SNTG1: variants seen among roughly 807,000 people sequenced by gnomAD.
SNTG1 encodes gamma-1-syntrophin.
A neutral mutation model predicts 74.7 loss-of-function variants in SNTG1; 39 were observed. The ratio of observed to expected loss-of-function variants is 0.52; its 90% CI spans 0.40 to 0.68. The LOEUF (loss-of-function observed/expected upper bound fraction) is 0.68. Ranked by LOEUF, SNTG1 falls within the 30% of genes least tolerant of loss-of-function variation. The pLI is 0.00. For synonymous variants in SNTG1, 254 were observed against 217.1 expected, an observed-to-expected ratio of 1.17 and a Z score of -1.49; for missense variants, 685 against 609.5, an observed-to-expected ratio of 1.12 and a Z score of -1.30.
chr8:50,542,751 A>G (rs2094357432), intron 11 of SNTG1, among the ~76,000 whole-genome samples: 1 of 152,154 alleles, frequency 6.6e-6, no homozygotes, highest in Admixed American at 6.5e-5. Flanking sequence ...CCTCAACAGC[A>G]TTTGTTATTG....
intron 5 of SNTG1, 110 bp downstream of exon 5, chr8:50,438,709 C>A: frequency 2.4e-6 from 2 of 838,000 alleles, no homozygotes; most frequent in South Asian, 3.2e-5. Context: ...CTATAGCAAA[C>A]TCCTTAATAT....
intron 13 of SNTG1, among the ~76,000 whole-genome samples, chr8:50,655,433 C>A (rs1319375976): frequency 6.6e-6 from 1 of 152,120 alleles, no homozygotes; most frequent in East Asian, 1.9e-4. Flanking sequence ...CCAGTGAAGT[C>A]TCTATGTAAT....
chr8:50,344,463 T>A (rs927886834), intron 2 of SNTG1, among the ~76,000 whole-genome samples: 2 of 152,000 alleles, frequency 1.3e-5, no homozygotes, highest in Non-Finnish European at 2.9e-5. Flanking sequence ...ACACACTCCA[T>A]CCAGTTTCAA....
chr8:50,432,562 AT>A (rs1304216932), intron 4 of SNTG1, among the ~76,000 whole-genome samples: 1 of 152,042 alleles, frequency 6.6e-6, no homozygotes, highest in Non-Finnish European at 1.5e-5. Context: ...GCTTGCTGGG[AT>A]TTTTATTGGA....
At chr8:50,270,122 C>T (rs970193592) in intron 2 of SNTG1, among the ~76,000 whole-genome samples, 4 of 152,024 alleles carry the variant, frequency 2.6e-5, no homozygotes, top group South Asian at 4.1e-4. Flanking sequence ...CATGAGCTAG[C>T]AGAATACAAT....
intron 1 of SNTG1, among the ~76,000 whole-genome samples, chr8:50,060,807 C>T (rs1229879502): frequency 6.6e-6 from 1 of 151,916 alleles, no homozygotes; most frequent in East Asian, 1.9e-4. Flanking sequence ...TTTTTTATGT[C>T]AGTTTATCTG....
chr8:50,472,180 A>G (rs1275468243), intron 8 of SNTG1, among the ~76,000 whole-genome samples: 2 of 152,142 alleles, frequency 1.3e-5, no homozygotes, highest in African/African-American at 4.8e-5. Context: ...TTTCTGAGAA[A>G]TAGAAAACTC....
chr8:49,943,542 TC>T (rs1407851378), intron 1 of SNTG1, among the ~76,000 whole-genome samples: 1 of 152,256 alleles, frequency 6.6e-6, no homozygotes, highest in Non-Finnish European at 1.5e-5. Flanking sequence ...TGTGGAAGGA[TC>T]TTTTTGTCTG....
chr8:50,668,351 T>A (rs1193133900), intron 15 of SNTG1, among the ~76,000 whole-genome samples: 1 of 151,736 alleles, frequency 6.6e-6, no homozygotes, highest in Non-Finnish European at 1.5e-5. Context: ...AAAATTTGTT[T>A]CATTGACCTA....
chr8:50,478,240 T>C (rs1032615276), intron 8 of SNTG1, among the ~76,000 whole-genome samples: 1 of 152,216 alleles, frequency 6.6e-6, no homozygotes, highest in Non-Finnish European at 1.5e-5. Flanking sequence ...ATCAACACAA[T>C]TTGGATTTCA....
chr8:50,764,779 A>G (rs1211411279), intron 18 of SNTG1, among the ~76,000 whole-genome samples: 1 of 151,974 alleles, frequency 6.6e-6, no homozygotes, highest in Non-Finnish European at 1.5e-5. Flanking sequence ...ATTTCTGAGT[A>G]TATATGCAAA....
At chr8:50,750,838 A>G (rs536892458) in intron 17 of SNTG1, among the ~76,000 whole-genome samples, 1 of 152,118 alleles carries the variant, frequency 6.6e-6, no homozygotes, top group South Asian at 2.1e-4. Flanking sequence ...GACTCACTTC[A>G]TTGCAATACT....
chr8:50,180,750 CTTTTTT>C (rs60630226), intron 2 of SNTG1, among the ~76,000 whole-genome samples: 18,554 of 79,648 alleles, frequency 0.23, 2,253 homozygotes, highest in Middle Eastern at 0.32. Context: ...ATTGTGAAGC[CTTTTTT>C]TTTTTTTTTT....
chr8:49,992,607 T>C (rs1041294945), intron 1 of SNTG1, among the ~76,000 whole-genome samples: 3 of 152,110 alleles, frequency 2.0e-5, no homozygotes, highest in African/African-American at 7.2e-5. Context: ...ACATCTGCAT[T>C]GACAAATGGG....
intron 2 of SNTG1, among the ~76,000 whole-genome samples, chr8:50,243,807 T>A (rs1268109110): frequency 6.6e-6 from 1 of 152,172 alleles, no homozygotes; most frequent in Non-Finnish European, 1.5e-5. Context: ...AAATACATGA[T>A]TCAAGAATGA....
At chr8:50,236,467 T>TTTG (rs2085902887) in intron 2 of SNTG1, among the ~76,000 whole-genome samples, 2 of 151,226 alleles carry the variant, frequency 1.3e-5, no homozygotes, top group Admixed American at 6.6e-5. Context: ...TTTTTTTTTT[T>TTTG]TGAGACGCAG....
intron 1 of SNTG1, among the ~76,000 whole-genome samples, chr8:50,091,849 C>G (rs2079750102): frequency 6.6e-6 from 1 of 151,804 alleles, no homozygotes; most frequent in Non-Finnish European, 1.5e-5. Context: ...ATTTGATGGT[C>G]TGTAGAAGTC....
chr8:50,493,854 C>T (rs1463602515), intron 8 of SNTG1, among the ~76,000 whole-genome samples: 1 of 151,276 alleles, frequency 6.6e-6, no homozygotes, highest in Non-Finnish European at 1.5e-5. Context: ...CAAATACAGT[C>T]AGGTACCAAA....
intron 1 of SNTG1, among the ~76,000 whole-genome samples, chr8:49,995,404 T>C (rs1814109798): frequency 1.3e-5 from 2 of 152,234 alleles, no homozygotes; most frequent in South Asian, 4.1e-4. Context: ...GAAATTGTTC[T>C]GAATTCTTGT....
Sources: gnomAD v4.1 joint callset for allele counts (sites outside exome capture counted in the v4.1 genomes callset) on GRCh38, gnomAD v4.1.1 for gene constraint, MANE v1.5 for transcripts, NCBI Gene and HGNC (gene_info 2026-07-23, HGNC 2026-07-21) for gene names.